Variants in GABRB1 observed in about 807,000 individuals in gnomAD.
GABRB1 encodes the protein gamma-aminobutyric acid receptor subunit beta-1.
GABRB1 carries 17 observed loss-of-function variants against 51.6 expected under a neutral mutation model. The ratio of observed to expected loss-of-function variants is 0.33; its 90% CI spans 0.23 to 0.49. The LOEUF (loss-of-function observed/expected upper bound fraction) is 0.49, where lower values mean the gene tolerates loss of function less well. Among genes scored for constraint, GABRB1 ranks in the 20% least tolerant of loss-of-function variants. GABRB1 has a pLI of 0.99. For synonymous variants in GABRB1, 247 were observed against 218.9 expected, an observed-to-expected ratio of 1.13 and a Z score of -1.14; for missense variants, 410 against 600.6, an observed-to-expected ratio of 0.68 and a Z score of 3.32.
Position 47,236,522 on chromosome 4 carries a change from C to T in GABRB1, c.461+75053C>T, listed in dbSNP as rs890071657. Among the ~76,000 whole-genome samples, 3 of 151,984 alleles carry T rather than the reference C, an allele frequency of 2.0e-5. No individual in the cohort carries two copies. In the South Asian group the frequency reaches 6.2e-4, roughly 32 times the overall value. ...TAATACTGGTGAAGAAAGTATTATC[C>T]CTGCTTTACTAATGCAAAAGCTGGC... On this transcript the variant is annotated intron_variant, in intron 4 of 8. Coordinates refer to ENST00000295454, the MANE Select transcript of GABRB1 (RefSeq NM_000812.4).
intron 5 of GABRB1, among the ~76,000 whole-genome samples, chr4:47,368,067 TC>T (rs1727050631): frequency 6.6e-6 from 1 of 152,158 alleles, no homozygotes; most frequent in South Asian, 2.1e-4. Context: ...AGCAGAAAGC[TC>T]TGGGAGTGGG....
At chr4:47,100,416 G>A (rs2109605445) in intron 3 of GABRB1, among the ~76,000 whole-genome samples, 1 of 152,062 alleles carries the variant, frequency 6.6e-6, no homozygotes, top group South Asian at 2.1e-4. Context: ...GGAACAATGT[G>A]GTGTCATTTT....
chr4:47,024,234 T>A (rs1372754984), intron 1 of GABRB1, among the ~76,000 whole-genome samples: 1 of 151,990 alleles, frequency 6.6e-6, no homozygotes, highest in Non-Finnish European at 1.5e-5. Context: ...CCATGGGATT[T>A]AATTTTCTGC....
chr4:47,010,519 A>G (rs1286748936), intron 1 of GABRB1, among the ~76,000 whole-genome samples: 2 of 152,238 alleles, frequency 1.3e-5, no homozygotes, highest in Non-Finnish European at 2.9e-5. Flanking sequence ...ACACTAATGA[A>G]GGAAATATTG....
intron 4 of GABRB1, among the ~76,000 whole-genome samples, chr4:47,196,955 C>A (rs903185424): frequency 8.5e-5 from 13 of 152,198 alleles, no homozygotes; most frequent in Non-Finnish European, 1.5e-4. Context: ...TTACTTACAG[C>A]CCCTCTATGC....
intron 5 of GABRB1, among the ~76,000 whole-genome samples, chr4:47,399,447 G>A (rs1277715023): frequency 1.3e-5 from 2 of 151,620 alleles, no homozygotes; most frequent in Admixed American, 1.3e-4. Context: ...AAGCTGTTTT[G>A]ATTTTCTGTG....
chr4:47,032,127 G>GACACAC (rs375911533), intron 2 of GABRB1, 122 bp downstream of exon 2: 62,662 of 568,184 alleles, frequency 0.11, 1,964 homozygotes, highest in East Asian at 0.24. Flanking sequence ...CTATACCCTG[G>GACACAC]GCACACACAC....
Position 47,403,355 on chromosome 4 carries a change from T to C in GABRB1, c.582T>C (p.Asn194=). 1.2e-6 allele frequency: 2 copies of C among 1,614,056 alleles called. No individual in the cohort carries two copies. The highest frequency in any genetic ancestry group is 2.2e-5 in the East Asian group (1 of 44,884). The change falls in exon 6 of 9, where the codon AAT becomes AAC. Residue 194 remains asparagine, a synonymous_variant. Coordinates refer to ENST00000295454, the MANE Select transcript of GABRB1 (RefSeq NM_000812.4). ...YTTDDIEFYW[N]GGEGAVTGVN... ...CTGATGACATTGAATTTTACTGGAA[T>C]GGAGGAGAAGGGGCAGTCACTGGTG...
chr4:47,343,307 T>TG (rs1725971742), intron 5 of GABRB1, among the ~76,000 whole-genome samples: 1 of 152,040 alleles, frequency 6.6e-6, no homozygotes, highest in South Asian at 2.1e-4. Flanking sequence ...CCACTTTGGT[T>TG]GGGGGAGGTA....
chr4:47,111,368 A>G lies in GABRB1; in HGVS notation c.241-49881A>G, dbSNP rs566375863. Reference sequence around the variant, plus strand: ...GTAAATTTGCAAGTAACACAAGCACATACTTTTACTGCAGAATATAGATAT... The same window carrying G: ...GTAAATTTGCAAGTAACACAAGCACGTACTTTTACTGCAGAATATAGATAT... On this transcript the variant is annotated intron_variant, in intron 3 of 8. Transcript: ENST00000295454. Among the ~76,000 whole-genome samples, 6 of 152,146 alleles carry G rather than the reference A, an allele frequency of 3.9e-5. No individual in the cohort carries two copies. In the South Asian group the frequency reaches 1.0e-3, roughly 26 times the overall value.
chr4:47,367,864 G>A (rs1241213150), intron 5 of GABRB1, among the ~76,000 whole-genome samples: 1 of 152,190 alleles, frequency 6.6e-6, no homozygotes, highest in African/African-American at 2.4e-5. Context: ...TTTTGGCTGT[G>A]CCATGCCCCA....
intron 2 of GABRB1, 67 bp downstream of exon 2, chr4:47,032,072 T>TAAAAAAA: frequency 5.6e-6 from 4 of 713,208 alleles, no homozygotes; most frequent in Admixed American, 4.3e-5. Flanking sequence ...AAGATAAATG[T>TAAAAAAA]CAAAAAAAAA....
intron 1 of GABRB1, among the ~76,000 whole-genome samples, chr4:47,021,406 TG>T (rs1724924090): frequency 6.6e-6 from 1 of 152,134 alleles, no homozygotes; most frequent in South Asian, 2.1e-4. Flanking sequence ...AATAAACAGC[TG>T]TGATACTCTG....
At chr4:47,239,440 G>A (rs1721443498) in intron 4 of GABRB1, among the ~76,000 whole-genome samples, 1 of 152,092 alleles carries the variant, frequency 6.6e-6, no homozygotes, top group African/African-American at 2.4e-5. Flanking sequence ...CTTCTGGTAG[G>A]TGTATATTTA....
intron 3 of GABRB1, among the ~76,000 whole-genome samples, chr4:47,085,054 C>T (rs1728005285): frequency 6.6e-6 from 1 of 152,174 alleles, no homozygotes; most frequent in Non-Finnish European, 1.5e-5. Context: ...CTCTGACTCT[C>T]ATCATCTTAG....
chr4:47,293,058 A>C (rs1425720205), intron 4 of GABRB1, among the ~76,000 whole-genome samples: 2 of 152,142 alleles, frequency 1.3e-5, no homozygotes. Flanking sequence ...ATCAATAACA[A>C]TTTATATCAA....
chr4:47,166,872 A>G lies in GABRB1; in HGVS notation c.461+5403A>G, dbSNP rs1718212714. On this transcript the variant is annotated intron_variant, in intron 4 of 8. Transcript: ENST00000295454. ...TACTGTTGCTTCAAAGTCTCCCTCA[A>G]ATTCCACTTTCTCCATGAGAACTTT... Among the ~76,000 whole-genome samples the G allele has an allele frequency of 2.6e-5, 4 of 151,998 alleles. No individual in the cohort carries two copies. In the South Asian group the frequency reaches 8.3e-4, roughly 32 times the overall value.
At chr4:47,425,546 G>A in intron 8 of GABRB1, 128 bp from the exon 9 acceptor site, 4 of 670,538 alleles carry the variant, frequency 6.0e-6, no homozygotes, top group South Asian at 5.7e-5. Context: ...ACATCAGGGA[G>A]GCACATCAAG....
At chr4:47,309,791 T>TC (rs747248366) in intron 4 of GABRB1, among the ~76,000 whole-genome samples, 4 of 152,156 alleles carry the variant, frequency 2.6e-5, no homozygotes, top group Non-Finnish European at 5.9e-5. Flanking sequence ...GGTCATTTTT[T>TC]CTCTCATCTA....
Sources: gnomAD v4.1 joint callset for allele counts (sites outside exome capture counted in the v4.1 genomes callset) on GRCh38, gnomAD v4.1.1 for gene constraint, MANE v1.5 for transcripts, NCBI Gene and HGNC (gene_info 2026-07-23, HGNC 2026-07-21) for gene names.